Variants in TMEM33 observed in about 807,000 individuals in gnomAD.
TMEM33 encodes transmembrane protein 33.
Under a neutral mutation model 29.7 loss-of-function variants are expected in TMEM33, and 16 were observed. The observed-to-expected ratio is 0.54, with a 90% CI of 0.36 to 0.82. The LOEUF is 0.82. Ranked by LOEUF, TMEM33 falls within the 40% of genes least tolerant of loss-of-function variation. The pLI is 0.00. For missense variants in TMEM33, 252 were observed against 295.3 expected (o/e 0.85, Z 1.08); for synonymous variants, 112 against 109.4 (o/e 1.02, Z -0.15).
chr4:41,951,677 C>T (rs1713044872), intron 6 of TMEM33, among the ~76,000 whole-genome samples: 1 of 152,110 alleles, frequency 6.6e-6, no homozygotes, highest in Non-Finnish European at 1.5e-5. Flanking sequence ...CTATGTAAGT[C>T]AGTGTGATGA....
At chr4:41,941,399 G>T (rs559295115) in intron 3 of TMEM33, among the ~76,000 whole-genome samples, 15 of 152,322 alleles carry the variant, frequency 9.8e-5, no homozygotes, top group Non-Finnish European at 1.6e-4. Context: ...CCTTTTAGTA[G>T]CTTAAAATTT....
intron 5 of TMEM33, among the ~76,000 whole-genome samples, chr4:41,945,359 A>G (rs577806139): frequency 6.6e-6 from 1 of 152,338 alleles, no homozygotes; most frequent in East Asian, 1.9e-4. Flanking sequence ...TCCTTTTAAA[A>G]GTATGAACAT....
At position 41,957,267 on chromosome 4, in the gene TMEM33, G is replaced by T. The variant is rs1325915334; in HGVS notation, c.*3068G>T. The T allele has an allele frequency of 7.4e-6, 1 of 135,826 alleles. No individual in the cohort carries two copies. The highest frequency in any genetic ancestry group is 2.7e-5 in the African/African-American group (1 of 36,510). The allele number at this position is 135,826 out of a possible 1,614,324, so 8.4% of individuals were successfully genotyped here. ...AATTTATTATGCAATTTGTATTTAG[G>T]TTTTTTTTTTTTTTTTTGGAATGAA... On this transcript the variant is annotated 3_prime_UTR_variant, in exon 7 of 7. Coordinates refer to ENST00000504986, the MANE Select transcript of TMEM33 (RefSeq NM_018126.3).
intron 3 of TMEM33, among the ~76,000 whole-genome samples, chr4:41,941,525 T>A (rs1176677506): frequency 6.6e-6 from 1 of 152,192 alleles, no homozygotes; most frequent in East Asian, 1.9e-4. Context: ...TAAGTTTTGT[T>A]GAGTGAATCC....
chr4:41,935,629 A>T, intron 1 of TMEM33, 100 bp downstream of exon 1: 1 of 1,230,560 alleles, frequency 8.1e-7, no homozygotes, highest in Admixed American at 2.1e-5. Flanking sequence ...CAGTGCATTC[A>T]GGAATGGGAT....
intron 3 of TMEM33, among the ~76,000 whole-genome samples, chr4:41,940,610 C>G (rs1222652165): frequency 6.6e-6 from 1 of 151,712 alleles, no homozygotes; most frequent in African/African-American, 2.4e-5. Flanking sequence ...GAGATTGAGA[C>G]CATCCTGGCT....
chr4:41,940,046 C>CCTTTTTTTTTTTTTT (rs1553910603), intron 3 of TMEM33, among the ~76,000 whole-genome samples: 9 of 81,358 alleles, frequency 1.1e-4, no homozygotes, highest in Admixed American at 3.2e-4. Flanking sequence ...GTTAAACTTT[C>CCTTTTTTTTTTTTTT]TTTTTTTTTT....
In TMEM33 at chr4:41,954,063, C is replaced by T. The variant is rs1382529420; in HGVS notation, c.615-7C>T. On this transcript the variant is annotated splice_region_variant and splice_polypyrimidine_tract_variant and intron_variant, in intron 6 of 6. Transcript: ENST00000504986. The stretch of plus-strand genomic sequence containing the variant: ...TGTTTCTCAAAGAAAACTATTTTGT[C>T]TTGCAGGACCTTATTTAATGAACTG... The T allele has an allele frequency of 6.8e-6, 11 of 1,612,292 alleles. No homozygotes were observed. The highest frequency in any genetic ancestry group is 9.3e-6 in the Non-Finnish European group (11 of 1,179,070).
At position 41,959,711 on chromosome 4, in the gene TMEM33, A is replaced by AT. The variant is rs1713403888; in HGVS notation, c.*5517dup. The AT allele has an allele frequency of 6.6e-6, 1 of 152,160 alleles. No homozygotes were observed. The highest frequency in any genetic ancestry group is 2.1e-4 in the South Asian group (1 of 4,824). The allele number at this position is 152,160 out of a possible 1,614,324, so 9.4% of individuals were successfully genotyped here. On this transcript the variant is annotated 3_prime_UTR_variant, in exon 7 of 7. Coordinates refer to ENST00000504986, the MANE Select transcript of TMEM33 (RefSeq NM_018126.3). The stretch of plus-strand genomic sequence containing the variant: ...GACATTAATTTTTGCCTACATATAT[A>AT]TTTTTAAGTTGAGACCAAATCGGTG...
chr4:41,948,826 GA>G (rs1188951848), intron 5 of TMEM33, among the ~76,000 whole-genome samples: 1 of 151,910 alleles, frequency 6.6e-6, no homozygotes, highest in African/African-American at 2.4e-5. Flanking sequence ...TAATTCTTGG[GA>G]TATTGTAATT....
chr4:41,948,866 T>A, intron 5 of TMEM33, among the ~76,000 whole-genome samples: 1 of 152,110 alleles, frequency 6.6e-6, no homozygotes, highest in East Asian at 1.9e-4. Flanking sequence ...CAATAATTAG[T>A]ATAGGCTGTT....
chr4:41,946,825 A>T (rs1203703765), intron 5 of TMEM33, among the ~76,000 whole-genome samples: 1 of 152,118 alleles, frequency 6.6e-6, no homozygotes, highest in East Asian at 1.9e-4. Flanking sequence ...TAGTAAGAGG[A>T]ACTTTTTGCT....
At position 41,956,835 on chromosome 4, in the gene TMEM33, G is replaced by A. The variant is rs1285939104; in HGVS notation, c.*2636G>A. 1 of 152,058 alleles carries A rather than the reference G, an allele frequency of 6.6e-6. No homozygotes were observed. The highest frequency in any genetic ancestry group is 1.5e-5 in the Non-Finnish European group (1 of 67,986). The allele number at this position is 152,058 out of a possible 1,614,324, so 9.4% of individuals were successfully genotyped here. Reference sequence around the variant, plus strand: ...AAATTTTACAATTTGAGCATTACTAGATGTTTAGTTTGCATGAACTCATAG... The same window carrying A: ...AAATTTTACAATTTGAGCATTACTAAATGTTTAGTTTGCATGAACTCATAG... On this transcript the variant is annotated 3_prime_UTR_variant, in exon 7 of 7. Transcript: ENST00000504986.
At chr4:41,951,048 C>T (rs575458372) in intron 6 of TMEM33, among the ~76,000 whole-genome samples, 1 of 125,150 alleles carries the variant, frequency 8.0e-6, no homozygotes, top group African/African-American at 2.4e-5. Flanking sequence ...TATAAAACTA[C>T]ATTTTCAGTA....
rs1560514525 is a variant in TMEM33, at chr4:41,935,544, AGGGTAGTCTGG to A, written c.45+16_45+26del. On this transcript the variant is annotated intron_variant, in intron 1 of 6. Transcript: ENST00000504986. ...CGGGCGCTGTGGTAAGTGCGAGGGCAGGGTAGTCTGGCTTGATTTGCAAGAGTTAGGAAGAA... is the reference window on the plus strand; with the variant it reads ...CGGGCGCTGTGGTAAGTGCGAGGGCACTTGATTTGCAAGAGTTAGGAAGAA... 1.2e-6 allele frequency: 2 copies of A among 1,601,296 alleles called. No homozygotes were observed. The highest frequency in any genetic ancestry group is 3.5e-5 in the Admixed American group (2 of 57,694).
At chr4:41,943,538 G>A (rs961439398) in intron 3 of TMEM33, among the ~76,000 whole-genome samples, 2 of 148,382 alleles carry the variant, frequency 1.3e-5, no homozygotes, top group East Asian at 3.9e-4. Context: ...AAAAAAAAAA[G>A]AACTGTGAAT....
At chr4:41,939,657 A>C in intron 3 of TMEM33, 1 of 526,096 alleles carries the variant, frequency 1.9e-6, no homozygotes, top group South Asian at 1.6e-5. Context: ...TTCGAAGCAC[A>C]ACCTTACGCA....
intron 4 of TMEM33, among the ~76,000 whole-genome samples, chr4:41,944,357 A>G (rs1251670666): frequency 2.0e-5 from 3 of 152,204 alleles, no homozygotes; most frequent in Admixed American, 6.5e-5. Flanking sequence ...AAATAGCCAG[A>G]TTTATGCTTT....
chr4:41,944,797 G>C lies in TMEM33; in HGVS notation c.401G>C (p.Arg134Thr), dbSNP rs1577650999. The change falls in exon 5 of 7, where the codon AGG becomes ACG. Residue 134 changes from arginine to threonine, a missense_variant. By Grantham distance (71) the Arg-to-Thr change is moderately conservative. Transcript: ENST00000504986. ...ATYTKKVLDARGSNSLPLLRS... is the reference protein window; with the variant it reads ...ATYTKKVLDATGSNSLPLLRS... ...GTTGGTTTTCTTTTGTTTTAGGCAAGGGGCTCAAATAGTTTACCTCTGCTG... is the reference window on the plus strand; with the variant it reads ...GTTGGTTTTCTTTTGTTTTAGGCAACGGGCTCAAATAGTTTACCTCTGCTG... 5 of 1,612,468 alleles carry C rather than the reference G, an allele frequency of 3.1e-6. No homozygotes were observed. Among genetic ancestry groups the C allele is most frequent in the Non-Finnish European group, 4.2e-6 (5 of 1,179,512 alleles).
Sources: gnomAD v4.1 joint callset for allele counts (sites outside exome capture counted in the v4.1 genomes callset) on GRCh38, gnomAD v4.1.1 for gene constraint, MANE v1.5 for transcripts, NCBI Gene and HGNC (gene_info 2026-07-23, HGNC 2026-07-21) for gene names.